RAD51B: variants seen among roughly 807,000 people sequenced by gnomAD.
The protein encoded by RAD51B is DNA repair protein RAD51 homolog 2.
In RAD51B, 38 loss-of-function variants were observed where a neutral mutation model predicts 42.2. The observed-to-expected ratio is 0.90, with a 90% CI of 0.70 to 1.18. RAD51B has a LOEUF of 1.18. Among genes scored for constraint, RAD51B ranks in the 50% most tolerant of loss-of-function variants. The probability of loss-of-function intolerance (pLI) is 0.00; values close to 1 mark genes in which losing one functional copy is unlikely to be tolerated. For missense variants in RAD51B, 373 were observed against 400.7 expected (o/e 0.93, Z 0.59); for synonymous variants, 154 against 145.2 (o/e 1.06, Z -0.43).
chr14:68,659,698 C>T (rs962559814), intron 11 of RAD51B, among the ~76,000 whole-genome samples: 1 of 152,196 alleles, frequency 6.6e-6, no homozygotes, highest in African/African-American at 2.4e-5. Context: ...TCTCCCCAGA[C>T]GCCCTCCCTC....
chr14:68,184,432 A>T (rs2079115191), intron 7 of RAD51B, among the ~76,000 whole-genome samples: 1 of 151,824 alleles, frequency 6.6e-6, no homozygotes, highest in Non-Finnish European at 1.5e-5. Flanking sequence ...TTTTGTAGAG[A>T]CAGGGTTTCG....
chr14:68,295,158 C>A (rs2081589220), intron 8 of RAD51B, among the ~76,000 whole-genome samples: 2 of 152,212 alleles, frequency 1.3e-5, no homozygotes, highest in African/African-American at 4.8e-5. Flanking sequence ...AGCTCAGGGG[C>A]AGGAGCAATG....
downstream of RAD51B, among the ~76,000 whole-genome samples, chr14:68,479,026 C>T (rs934738634): frequency 6.6e-6 from 1 of 152,118 alleles, no homozygotes; most frequent in African/African-American, 2.4e-5. Context: ...GCATCTTATT[C>T]AGCTGGAGTG....
chr14:68,539,516 A>G (rs1386250947), intron 10 of RAD51B, among the ~76,000 whole-genome samples: 1 of 152,218 alleles, frequency 6.6e-6, no homozygotes, highest in Non-Finnish European at 1.5e-5. Context: ...ACAGGCTGCC[A>G]AAATAGGCTC....
intron 8 of RAD51B, among the ~76,000 whole-genome samples, chr14:68,314,452 A>T (rs1207059534): frequency 6.6e-6 from 1 of 152,118 alleles, no homozygotes; most frequent in African/African-American, 2.4e-5. Flanking sequence ...CAGACTTAAA[A>T]TGCTTGCCTC....
intron 11 of RAD51B, among the ~76,000 whole-genome samples, chr14:68,673,908 TACACACACATATGTATATGTGC>T (rs1303033487): frequency 6.6e-6 from 1 of 150,972 alleles, no homozygotes; most frequent in Non-Finnish European, 1.5e-5. Context: ...ACACATACTG[TACACACACATATGTATATGTGC>T]ACACACACAC....
intron 7 of RAD51B, among the ~76,000 whole-genome samples, chr14:67,894,557 A>G (rs1303353713): frequency 6.6e-6 from 1 of 152,252 alleles, no homozygotes; most frequent in Non-Finnish European, 1.5e-5. Context: ...TGTAGAGGCA[A>G]ATCGCTCTCT....
At chr14:68,208,076 A>G (rs1536456) in intron 7 of RAD51B, among the ~76,000 whole-genome samples, 68,705 of 151,636 alleles carry the variant, frequency 0.45, 18,743 homozygotes, top group Non-Finnish European at 0.63. Context: ...GTTTTTCTTT[A>G]AAAGTTCAGC....
intron 7 of RAD51B, among the ~76,000 whole-genome samples, chr14:68,179,317 A>T (rs931500796): frequency 2.0e-5 from 3 of 151,952 alleles, no homozygotes; most frequent in Non-Finnish European, 4.4e-5. Context: ...CAAGAATCTG[A>T]TTGGGATAAA....
chr14:68,405,724 G>T (rs141926134), intron 8 of RAD51B, among the ~76,000 whole-genome samples: 1 of 150,590 alleles, frequency 6.6e-6, no homozygotes, highest in Non-Finnish European at 1.5e-5. Flanking sequence ...TTGTTTTAGC[G>T]ACGCGGAGTC....
At chr14:68,176,045 T>A (rs2078956634) in intron 7 of RAD51B, among the ~76,000 whole-genome samples, 1 of 152,202 alleles carries the variant, frequency 6.6e-6, no homozygotes, top group Non-Finnish European at 1.5e-5. Flanking sequence ...GCCAGACATG[T>A]GCTATAATAG....
intron 8 of RAD51B, among the ~76,000 whole-genome samples, chr14:68,350,173 G>A (rs879440549): frequency 5.3e-5 from 8 of 152,116 alleles, no homozygotes; most frequent in Admixed American, 6.5e-5. Flanking sequence ...AGCCATTTCC[G>A]TTTGTTATGT....
chr14:68,213,044 A>T (rs1271694692), intron 7 of RAD51B, among the ~76,000 whole-genome samples: 1 of 152,206 alleles, frequency 6.6e-6, no homozygotes, highest in African/African-American at 2.4e-5. Context: ...CCTCAGGGTA[A>T]GCCTCAGGAA....
intron 3 of RAD51B, among the ~76,000 whole-genome samples, chr14:67,834,419 A>G (rs1232776395): frequency 6.6e-6 from 1 of 152,110 alleles, no homozygotes; most frequent in East Asian, 1.9e-4. Context: ...TTCTCAGCCT[A>G]CCACACCTTC....
At position 68,133,565 on chromosome 14, in the gene RAD51B, G is replaced by A. The variant is rs535623845; in HGVS notation, c.757-158319G>A. Among the ~76,000 whole-genome samples the A allele has an allele frequency of 5.3e-5, 8 of 152,174 alleles. No individual in the cohort carries two copies. In the East Asian group the frequency reaches 5.8e-4, roughly 11 times the overall value. On this transcript the variant is annotated intron_variant, in intron 7 of 10. Transcript: ENST00000471583. ...TGGCTTACTGCAACCTCCACTTCCCGGGTTCAAGCGATTCTCCTGCCTCGG... is the reference window on the plus strand; with the variant it reads ...TGGCTTACTGCAACCTCCACTTCCCAGGTTCAAGCGATTCTCCTGCCTCGG...
rs541373819 is a variant in RAD51B at position 67,990,370 on chromosome 14, A to C, written c.756+103166A>C. ...CAAAAACAAACCAACAAAATTCTGTAAGAAAAGTGGCTAATTATACATTAT... is the reference window on the plus strand; with the variant it reads ...CAAAAACAAACCAACAAAATTCTGTCAGAAAAGTGGCTAATTATACATTAT... On this transcript the variant is annotated intron_variant, in intron 7 of 10. Transcript: ENST00000471583. Among the ~76,000 whole-genome samples the C allele has an allele frequency of 5.3e-5, 8 of 152,310 alleles. No individual in the cohort carries two copies. The East Asian group carries it at 1.2e-3, about 22-fold the overall frequency.
chr14:67,825,093 A>C (rs1243864569), intron 2 of RAD51B, among the ~76,000 whole-genome samples: 1 of 149,442 alleles, frequency 6.7e-6, no homozygotes, highest in Non-Finnish European at 1.5e-5. Flanking sequence ...AAAAAAAAAA[A>C]AAAAAAAAAA....
intron 8 of RAD51B, among the ~76,000 whole-genome samples, chr14:68,329,487 T>A (rs1346603422): frequency 6.6e-6 from 1 of 152,208 alleles, no homozygotes; most frequent in African/African-American, 2.4e-5. Context: ...AGAAGGTACC[T>A]TTCCTTTTCT....
chr14:67,964,608 G>A (rs1458826149), intron 7 of RAD51B, among the ~76,000 whole-genome samples: 2 of 152,132 alleles, frequency 1.3e-5, no homozygotes, highest in Admixed American at 6.6e-5. Flanking sequence ...ACAGCAGTGA[G>A]GTTTTTTCTT....
Sources: allele counts gnomAD v4.1 joint callset (sites outside exome capture counted in the v4.1 genomes callset), GRCh38; gene constraint gnomAD v4.1.1; transcripts MANE v1.5; gene names NCBI Gene and HGNC (gene_info 2026-07-23, HGNC 2026-07-21).